IPO5: variants seen among roughly 807,000 people sequenced by gnomAD.
The protein encoded by IPO5 is importin 5, also known as importin-5.
Under a neutral mutation model 143.3 loss-of-function variants are expected in IPO5, and 18 were observed. The ratio of observed to expected loss-of-function variants is 0.13; its 90% CI spans 0.09 to 0.19. IPO5 has a LOEUF of 0.19. IPO5 is among the 10% of genes least tolerant of loss of function. The probability of loss-of-function intolerance (pLI) is 1.00; values close to 1 mark genes in which losing one functional copy is unlikely to be tolerated. For missense variants in IPO5, 1,013 were observed against 1,336.9 expected (o/e 0.76, Z 3.78); for synonymous variants, 477 against 465.7 (o/e 1.02, Z -0.31).
At chr13:97,967,547 T>A (rs1885446199) in intron 2 of IPO5, among the ~76,000 whole-genome samples, 1 of 152,208 alleles carries the variant, frequency 6.6e-6, no homozygotes, top group Non-Finnish European at 1.5e-5. Flanking sequence ...CAGCTCTAAG[T>A]GTCCCTATGA....
rs1240376549 is a variant in IPO5, at chr13:98,014,140, G to A, written c.2251G>A (p.Asp751Asn). The change falls in exon 22 of 29, where the codon GAT becomes AAT. Residue 751 changes from aspartate (D) to asparagine (N), a missense_variant. By Grantham distance (23) the Asp-to-Asn change is conservative. Transcript: ENST00000651721. ...YLTQMWHFMC[D>N]ALIKAIGTEP... is the part of the protein sequence containing the mutation. The stretch of plus-strand genomic sequence containing the variant: ...CACACAGATGTGGCATTTTATGTGT[G>A]ATGCTCTAATTAAGGCCATTGGTAC... 1 of 1,613,672 alleles carries A rather than the reference G, an allele frequency of 6.2e-7. No individual in the cohort carries two copies. The highest frequency in any genetic ancestry group is 1.7e-5 in the Admixed American group (1 of 59,998).
At chr13:97,970,255 T>C (rs988737786) in intron 3 of IPO5, among the ~76,000 whole-genome samples, 1 of 152,202 alleles carries the variant, frequency 6.6e-6, no homozygotes, top group Non-Finnish European at 1.5e-5. Context: ...CATTTCTACA[T>C]GTGACCAATA....
intron 26 of IPO5, 55 bp from the exon 27 acceptor site, chr13:98,019,526 C>A: frequency 8.6e-7 from 1 of 1,165,094 alleles, no homozygotes; most frequent in South Asian, 1.3e-5. Flanking sequence ...TACATATATT[C>A]ATTTGCATGA....
rs1380369299 is a variant in IPO5 at position 98,022,107 on chromosome 13, A to G, written c.*285A>G. 2 of 266,740 alleles carry G rather than the reference A, an allele frequency of 7.5e-6. No homozygotes were observed. The highest frequency in any genetic ancestry group is 7.1e-6 in the Non-Finnish European group (1 of 140,466). The allele number at this position is 266,740 out of a possible 1,614,324, so 16.5% of individuals were successfully genotyped here. ...CCACCTGAAGGGGAAAGGGAAATCA[A>G]ATTAATTTTTCTCGTTAGACATAAG... On this transcript the variant is annotated 3_prime_UTR_variant, in exon 29 of 29. Transcript: ENST00000651721.
At chr13:97,972,313 C>T (rs1424251781) in intron 3 of IPO5, among the ~76,000 whole-genome samples, 1 of 152,192 alleles carries the variant, frequency 6.6e-6, no homozygotes, top group Non-Finnish European at 1.5e-5. Flanking sequence ...CCTAACTTCT[C>T]CAACCTTCTC....
rs550559479 is a variant in IPO5, at chr13:98,022,463, A to T, written c.*641A>T. 1.3e-5 allele frequency: 2 copies of T among 152,660 alleles called. No individual in the cohort carries two copies. The highest frequency in any genetic ancestry group is 1.9e-4 in the East Asian group (1 of 5,196). 9.5% of individuals were successfully genotyped at this position (152,660 alleles called of 1,614,324 possible). On this transcript the variant is annotated 3_prime_UTR_variant, in exon 29 of 29. Transcript: ENST00000651721. Reference sequence around the variant, plus strand: ...GCAGTAGTCTCTCATTCACTCCTCAATAAACAACATTGAATACAAAAGAGG... The same window carrying T: ...GCAGTAGTCTCTCATTCACTCCTCATTAAACAACATTGAATACAAAAGAGG...
chr13:98,008,768 A>G (rs1411620160), intron 18 of IPO5, among the ~76,000 whole-genome samples: 2 of 152,218 alleles, frequency 1.3e-5, no homozygotes, highest in Non-Finnish European at 2.9e-5. Context: ...GGCAGTTCCA[A>G]CACTGTTATA....
Position 97,982,601 on chromosome 13 carries a change from G to C in IPO5, c.171+18G>C. On this transcript the variant is annotated intron_variant, in intron 5 of 28. Transcript: ENST00000651721. The stretch of plus-strand genomic sequence containing the variant: ...CTGAAGAGGTACTACCTTAATATTT[G>C]TGACTATTACATTCTTAGAAAATAA... 1 of 1,428,968 alleles carries C rather than the reference G, an allele frequency of 7.0e-7. No individual in the cohort carries two copies. The highest frequency in any genetic ancestry group is 9.9e-7 in the Non-Finnish European group (1 of 1,015,220). The allele number at this position is 1,428,968 out of a possible 1,614,324, so 88.5% of individuals were successfully genotyped here. A position where few individuals can be genotyped will look rare whatever the true frequency, so the allele number is the denominator to read the frequency against.
intron 17 of IPO5, among the ~76,000 whole-genome samples, 199 bp downstream of exon 17, chr13:98,006,547 T>C (rs1047793384): frequency 5.3e-5 from 8 of 151,394 alleles, no homozygotes; most frequent in African/African-American, 1.9e-4. Flanking sequence ...GCTAATTTTT[T>C]GTATTTTTAG....
chr13:98,017,084 A>C (rs1890164473), intron 25 of IPO5, among the ~76,000 whole-genome samples: 1 of 151,980 alleles, frequency 6.6e-6, no homozygotes, highest in South Asian at 2.1e-4. Flanking sequence ...AACACATCTG[A>C]AAGATATATA....
At chr13:98,004,211 C>T (rs1889030862) in intron 16 of IPO5, among the ~76,000 whole-genome samples, 1 of 152,188 alleles carries the variant, frequency 6.6e-6, no homozygotes, top group Admixed American at 6.5e-5. Flanking sequence ...AATTCCTATA[C>T]TTAATATGAA....
intron 4 of IPO5, among the ~76,000 whole-genome samples, chr13:97,980,466 A>G (rs1886746540): frequency 6.6e-6 from 1 of 152,168 alleles, no homozygotes; most frequent in Admixed American, 6.5e-5. Flanking sequence ...AGTCACACCA[A>G]CAGTTCCGCC....
intron 13 of IPO5, 29 bp from the exon 14 acceptor site, chr13:98,002,438 G>T (rs759062883): frequency 1.9e-6 from 3 of 1,609,176 alleles, no homozygotes; most frequent in Admixed American, 3.3e-5. Flanking sequence ...GTGTGTAATT[G>T]CTATTCCATC....
At chr13:97,970,798 A>T (rs981975496) in intron 3 of IPO5, among the ~76,000 whole-genome samples, 3 of 152,158 alleles carry the variant, frequency 2.0e-5, no homozygotes, top group Non-Finnish European at 4.4e-5. Context: ...AACCACAATT[A>T]TGATGCATTC....
intron 1 of IPO5, 59 bp downstream of exon 1, chr13:97,953,775 G>A (rs1388764563): frequency 5.4e-6 from 2 of 370,710 alleles, no homozygotes; most frequent in South Asian, 2.1e-5. Context: ...CATCTGCACT[G>A]AGGAACAATT....
chr13:97,970,003 G>A, intron 3 of IPO5, 173 bp downstream of exon 3: 1 of 587,558 alleles, frequency 1.7e-6, no homozygotes, highest in East Asian at 2.9e-5. Context: ...CCAGCCAAAA[G>A]TCACTTCCTA....
chr13:98,013,729 A>G (rs932275467), intron 21 of IPO5, among the ~76,000 whole-genome samples: 4 of 152,190 alleles, frequency 2.6e-5, no homozygotes, highest in African/African-American at 9.7e-5. Context: ...GATAGTACCT[A>G]AGGTTTTGAG....
At chr13:97,974,095 A>G (rs1886057635) in intron 3 of IPO5, among the ~76,000 whole-genome samples, 1 of 152,164 alleles carries the variant, frequency 6.6e-6, no homozygotes, top group African/African-American at 2.4e-5. Context: ...TAATAATAGT[A>G]ACAAATATCT....
At chr13:98,018,113 C>T (rs1298613152) in intron 25 of IPO5, among the ~76,000 whole-genome samples, 2 of 152,078 alleles carry the variant, frequency 1.3e-5, no homozygotes, top group Non-Finnish European at 2.9e-5. Context: ...ATGACTTAGC[C>T]TGTTGAATAA....
Sources: gnomAD v4.1 joint callset for allele counts (sites outside exome capture counted in the v4.1 genomes callset) on GRCh38, gnomAD v4.1.1 for gene constraint, MANE v1.5 for transcripts, NCBI Gene and HGNC (gene_info 2026-07-23, HGNC 2026-07-21) for gene names.